The following SOX5 variants were observed in gnomAD, a reference collection of about 807,000 sequenced individuals.
The protein encoded by SOX5 is transcription factor SOX-5.
A neutral mutation model predicts 92.0 loss-of-function variants in SOX5; 9 were observed. The ratio of observed to expected loss-of-function variants is 0.10; its 90% confidence interval spans 0.06 to 0.17. The LOEUF (loss-of-function observed/expected upper bound fraction) is 0.17. Ranked by LOEUF, SOX5 falls within the 10% of genes least tolerant of loss-of-function variation. The pLI is 1.00. For missense variants in SOX5, 642 were observed against 944.5 expected (o/e 0.68, Z 4.20); for synonymous variants, 344 against 336.3 (o/e 1.02, Z -0.25).
At chr12:23,571,257 A>G (rs1948336829) in intron 10 of SOX5, among the ~76,000 whole-genome samples, 1 of 152,046 alleles carries the variant, frequency 6.6e-6, no homozygotes, top group South Asian at 2.1e-4. Flanking sequence ...GGCATGTTGT[A>G]CAACTCAAGT....
intron 1 of SOX5, among the ~76,000 whole-genome samples, chr12:23,923,745 A>T (rs1939144636): frequency 6.6e-6 from 1 of 152,128 alleles, no homozygotes; most frequent in Non-Finnish European, 1.5e-5. Context: ...TCTGAGTCAC[A>T]CGAGATTCTT....
intron 4 of SOX5, among the ~76,000 whole-genome samples, chr12:24,054,872 G>T (rs1310480101): frequency 6.6e-6 from 1 of 152,162 alleles, no homozygotes; most frequent in East Asian, 1.9e-4. Context: ...AGCAAATAAT[G>T]TAAATCTAGA....
intron 3 of SOX5, among the ~76,000 whole-genome samples, chr12:24,241,186 A>G (rs1298319755): frequency 2.0e-5 from 3 of 152,202 alleles, no homozygotes; most frequent in Admixed American, 2.0e-4. Context: ...AATTAAAAAG[A>G]AAGTGTGATA....
intron 3 of SOX5, among the ~76,000 whole-genome samples, chr12:23,831,161 CAT>C (rs2096311038): frequency 6.6e-6 from 1 of 152,044 alleles, no homozygotes; most frequent in Non-Finnish European, 1.5e-5. Context: ...AAGACATTAA[CAT>C]AATTTCTGTA....
chr12:24,059,956 C>T (rs1392844218), intron 4 of SOX5, among the ~76,000 whole-genome samples: 2 of 152,092 alleles, frequency 1.3e-5, no homozygotes, highest in Admixed American at 6.5e-5. Flanking sequence ...AAAATGTAAA[C>T]AATAATAAAT....
At chr12:24,363,286 A>G (rs1955802482) in intron 2 of SOX5, among the ~76,000 whole-genome samples, 1 of 152,088 alleles carries the variant, frequency 6.6e-6, no homozygotes, top group Non-Finnish European at 1.5e-5. Flanking sequence ...TTGGCTACAT[A>G]TATTTAATAG....
intron 4 of SOX5, among the ~76,000 whole-genome samples, chr12:24,147,225 A>G (rs1250371372): frequency 1.3e-5 from 2 of 152,216 alleles, no homozygotes; most frequent in African/African-American, 4.8e-5. Flanking sequence ...TATGCTTAAC[A>G]AAATGTTAAG....
At chr12:23,899,683 C>T (rs1307105628) in intron 1 of SOX5, among the ~76,000 whole-genome samples, 1 of 152,148 alleles carries the variant, frequency 6.6e-6, no homozygotes, top group Admixed American at 6.5e-5. Context: ...CTGGTCTTAG[C>T]TCACTTTGTG....
intron 1 of SOX5, among the ~76,000 whole-genome samples, chr12:24,399,517 C>T (rs539382069): frequency 2.0e-5 from 3 of 152,116 alleles, no homozygotes; most frequent in Admixed American, 6.5e-5. Context: ...ATTATAAAAC[C>T]GTGAGTACAA....
chr12:23,821,557 T>A (rs1419836499), intron 3 of SOX5, among the ~76,000 whole-genome samples: 1 of 152,144 alleles, frequency 6.6e-6, no homozygotes, highest in Non-Finnish European at 1.5e-5. Context: ...GGGCTGTGGG[T>A]TTGTCATAAA....
At chr12:24,000,572 A>G (rs1498864) in intron 4 of SOX5, among the ~76,000 whole-genome samples, 143,550 of 152,158 alleles carry the variant, frequency 0.94, 68,254 homozygotes, top group South Asian at 1. Flanking sequence ...GTGTTTGTGT[A>G]TAGTAAGTAA....
intron 2 of SOX5, among the ~76,000 whole-genome samples, chr12:24,284,873 C>A (rs190174258): frequency 1.5e-4 from 23 of 152,278 alleles, no homozygotes; most frequent in Admixed American, 5.2e-4. Context: ...ACCTGTAATC[C>A]CAGCACTTCG....
intron 7 of SOX5, among the ~76,000 whole-genome samples, chr12:23,654,836 T>C (rs2082113890): frequency 6.6e-6 from 1 of 152,222 alleles, no homozygotes; most frequent in South Asian, 2.1e-4. Context: ...GAATATTTCA[T>C]ATACATTTTA....
chr12:23,862,276 T>C (rs919942872), intron 2 of SOX5, among the ~76,000 whole-genome samples: 4 of 152,132 alleles, frequency 2.6e-5, no homozygotes, highest in Non-Finnish European at 5.9e-5. Flanking sequence ...AAATTTAACA[T>C]CTCTTCCTTT....
intron 2 of SOX5, among the ~76,000 whole-genome samples, chr12:24,295,147 T>A (rs1465303643): frequency 1.3e-5 from 2 of 152,114 alleles, no homozygotes; most frequent in Non-Finnish European, 2.9e-5. Context: ...AATATAAGTA[T>A]ATATGAGTAA....
chr12:24,424,751 A>C (rs1239359811), intron 1 of SOX5, among the ~76,000 whole-genome samples: 1 of 147,064 alleles, frequency 6.8e-6, no homozygotes, highest in Non-Finnish European at 1.5e-5. Context: ...TAGCAAATAC[A>C]TTCTGTTAAA....
chr12:23,650,389 T>G (rs1220090462), intron 7 of SOX5, among the ~76,000 whole-genome samples: 1 of 152,144 alleles, frequency 6.6e-6, no homozygotes, highest in East Asian at 1.9e-4. Context: ...CACCTTTCAG[T>G]GCAACGAGCA....
intron 1 of SOX5, among the ~76,000 whole-genome samples, chr12:24,559,099 TTAAC>T (rs763744799): frequency 5.9e-5 from 9 of 152,236 alleles, no homozygotes; most frequent in Non-Finnish European, 1.3e-4. Context: ...TTTTATTTCA[TTAAC>T]TATCTACAAA....
chr12:23,840,616 A>G (rs1251241750), intron 3 of SOX5, among the ~76,000 whole-genome samples: 1 of 152,168 alleles, frequency 6.6e-6, no homozygotes, highest in Non-Finnish European at 1.5e-5. Context: ...ACAGGATGAT[A>G]CTGGCAAGAC....
Sources: allele counts gnomAD v4.1 joint callset (sites outside exome capture counted in the v4.1 genomes callset), GRCh38; gene constraint gnomAD v4.1.1; transcripts MANE v1.5; gene names NCBI Gene and HGNC (gene_info 2026-07-23, HGNC 2026-07-21).